Variants in SKOR2 observed in about 807,000 individuals in gnomAD.
SKOR2 encodes the protein SKI family transcriptional corepressor 2, also known as LBX1 corepressor 1-like protein.
In SKOR2, 47 loss-of-function variants were observed where a neutral mutation model predicts 69.1. That is an observed-to-expected ratio of 0.68 (90% CI 0.54 to 0.87). SKOR2 has a LOEUF of 0.87. SKOR2 is among the 40% of genes least tolerant of loss of function. SKOR2 has a pLI of 0.00. For synonymous variants in SKOR2, 717 were observed against 672.6 expected, an observed-to-expected ratio of 1.07 and a Z score of -1.02; for missense variants, 1,404 against 1,472.2, an observed-to-expected ratio of 0.95 and a Z score of 0.76.
intron 4 of SKOR2, among the ~76,000 whole-genome samples, chr18:47,233,564 G>A (rs917776937): frequency 1.3e-5 from 2 of 152,184 alleles, no homozygotes; most frequent in African/African-American, 4.8e-5. Flanking sequence ...AAGCATGCAT[G>A]TATCTCTGCA....
Position 47,245,567 on chromosome 18 carries a change from T to C in SKOR2, c.2614-6A>G. The C allele has an allele frequency of 6.6e-7, 1 of 1,515,564 alleles. No homozygotes were observed. Among genetic ancestry groups the C allele is most frequent in the Non-Finnish European group, 8.8e-7 (1 of 1,139,754 alleles). 93.9% of individuals were successfully genotyped at this position (1,515,564 alleles called of 1,614,324 possible). On this transcript the variant is annotated splice_region_variant and splice_polypyrimidine_tract_variant and intron_variant, in intron 2 of 8. Coordinates refer to ENST00000425639, the MANE Select transcript of SKOR2 (RefSeq NM_001278063.4). The stretch of plus-strand genomic sequence containing the variant: ...TTTTCCTTAGTTTTCTGACTCTGTG[T>C]GGAAAAGAATTAGACATACAAATCA...
In SKOR2 at chr18:47,247,856, C is replaced by A. The variant is rs1203784145; in HGVS notation, c.1328G>T (p.Gly443Val). 3 of 1,359,816 alleles carry A rather than the reference C, an allele frequency of 2.2e-6. No individual in the cohort carries two copies. The highest frequency in any genetic ancestry group is 2.8e-6 in the Non-Finnish European group (3 of 1,066,588). 84.2% of individuals were successfully genotyped at this position (1,359,816 alleles called of 1,614,324 possible). Residue 443 changes from glycine to valine, a missense_variant, in exon 2 of 9, where the codon GGC becomes GTC. Gly to Val is a moderately radical substitution (Grantham distance 109, BLOSUM62 -3). Around this residue, in one of 3 missense-constraint regions of SKOR2, gnomAD observed 1,266 missense variants for 1,309.9 expected, o/e 0.97. Transcript: ENST00000425639. The surrounding 1 kb of genome is among the most constrained non-coding windows in gnomAD (Gnocchi z 6.6). ...ALGGAGAGGA[G>V]AAPKAGLSGL... The stretch of plus-strand genomic sequence containing the variant: ...GGACAAGCCGGCCTTGGGCGCCGCG[C>A]CCGCGCCGCCTGCGCCCGCGCCCCC...
intron 6 of SKOR2, among the ~76,000 whole-genome samples, chr18:47,229,735 G>T (rs573978888): frequency 1.3e-5 from 2 of 152,092 alleles, no homozygotes; most frequent in African/African-American, 4.8e-5. Flanking sequence ...ATCAAAGTCC[G>T]GAAAGCTTGA....
chr18:47,236,408 A>C (rs1239148246), intron 4 of SKOR2, among the ~76,000 whole-genome samples: 1 of 152,206 alleles, frequency 6.6e-6, no homozygotes, highest in Non-Finnish European at 1.5e-5. Context: ...AACCAAAATC[A>C]GAATGCCATC....
At chr18:47,244,445 C>T (rs749809580) in intron 4 of SKOR2, among the ~76,000 whole-genome samples, 28 of 152,182 alleles carry the variant, frequency 1.8e-4, no homozygotes, top group Non-Finnish European at 2.9e-4. Context: ...ATTTAGCAAT[C>T]AGTAAAAGGT....
chr18:47,250,753 G>A (rs190968930), intron 1 of SKOR2, among the ~76,000 whole-genome samples: 1 of 152,310 alleles, frequency 6.6e-6, no homozygotes, highest in East Asian at 1.9e-4. Context: ...GGAGAGGAAA[G>A]CCTGCTTGTC....
At chr18:47,229,286 A>G (rs1481287211) in intron 6 of SKOR2, among the ~76,000 whole-genome samples, 1 of 152,232 alleles carries the variant, frequency 6.6e-6, no homozygotes, top group East Asian at 1.9e-4. Flanking sequence ...TTTCTGGATT[A>G]ATAACAAGAA....
In SKOR2 at chr18:47,246,819, G is replaced by A; in HGVS notation, c.2365C>T (p.Gln789Ter). ...CCCTTCTCCGACGGCCCTCGGCCCT[G>A]GAGGAACCGGCCGCCCCCGACTAAG... ...DPLVGGGRFL[Q>*]GRGPSEKGSS... is the part of the protein sequence containing the mutation. The change falls in exon 2 of 9, where the codon CAG (glutamine) becomes TAG (stop). Residue 789 changes from glutamine (Q) to a stop codon, truncating the protein, a stop_gained. Transcript: ENST00000425639. LOFTEE classifies it high-confidence loss of function. 6.9e-7 allele frequency: 1 copy of A among 1,455,524 alleles called. No individual in the cohort carries two copies. The highest frequency in any genetic ancestry group is 2.8e-5 in the East Asian group (1 of 35,188). The allele number at this position is 1,455,524 out of a possible 1,614,324, so 90.2% of individuals were successfully genotyped here.
chr18:47,251,139 AG>A (rs1400247422), intron 1 of SKOR2, among the ~76,000 whole-genome samples: 2 of 151,276 alleles, frequency 1.3e-5, no homozygotes, highest in Non-Finnish European at 2.9e-5. Flanking sequence ...TGGGGAGGGG[AG>A]AAGAGACAAT....
intron 7 of SKOR2, among the ~76,000 whole-genome samples, chr18:47,216,650 C>A (rs899050100): frequency 6.6e-6 from 1 of 152,122 alleles, no homozygotes; most frequent in African/African-American, 2.4e-5. Flanking sequence ...ATACCCAAGA[C>A]GCTTTCAATA....
At chr18:47,239,512 A>T (rs1407119481) in intron 4 of SKOR2, among the ~76,000 whole-genome samples, 1 of 152,236 alleles carries the variant, frequency 6.6e-6, no homozygotes, top group East Asian at 1.9e-4. Flanking sequence ...ATCAAAATTT[A>T]TTGCAAGGTG....
chr18:47,227,383 G>T (rs1239697723), intron 6 of SKOR2, among the ~76,000 whole-genome samples: 1 of 139,688 alleles, frequency 7.2e-6, no homozygotes, highest in Non-Finnish European at 1.5e-5. Flanking sequence ...TGTTGTCCAG[G>T]CTGGAGGGCA....
chr18:47,245,793 T>G (rs1010124302), intron 2 of SKOR2, among the ~76,000 whole-genome samples: 30 of 152,144 alleles, frequency 2.0e-4, no homozygotes, highest in Admixed American at 1.5e-3. Context: ...ATATATGCTA[T>G]GTTATTTACA....
chr18:47,248,371 G>C lies in SKOR2; in HGVS notation c.813C>G (p.Ala271=), dbSNP rs2064293718. 1 of 1,288,280 alleles carries C rather than the reference G, an allele frequency of 7.8e-7. No individual in the cohort carries two copies. Among genetic ancestry groups the C allele is most frequent in the Non-Finnish European group, 9.7e-7 (1 of 1,027,036 alleles). 79.8% of individuals were successfully genotyped at this position (1,288,280 alleles called of 1,614,324 possible). A position where few individuals can be genotyped will look rare whatever the true frequency, so the allele number is the denominator to read the frequency against. The change falls in exon 2 of 9, where the codon GCC becomes GCG. Residue 271 remains alanine (A), a synonymous_variant. Transcript: ENST00000425639. The surrounding 1 kb of genome is among the most constrained non-coding windows in gnomAD (Gnocchi z 6.4). ...GGGGGCCCAGCAGACCCCCGCCTCC[G>C]GCCACCGCGGCCGCGGCGGCCACGG... is the stretch of plus-strand genomic sequence containing the variant. The part of the protein sequence containing the change: ...AAAVAAAAAV[A]GGGGLLGPHL...
Position 47,251,483 on chromosome 18 carries a change from C to A in SKOR2, c.-157G>T, listed in dbSNP as rs1478099231. The A allele has an allele frequency of 6.6e-6, 1 of 152,286 alleles. No individual in the cohort carries two copies. The highest frequency in any genetic ancestry group is 1.5e-5 in the Non-Finnish European group (1 of 68,098). 9.4% of individuals were successfully genotyped at this position (152,286 alleles called of 1,614,324 possible). A position where few individuals can be genotyped will look rare whatever the true frequency, so the allele number is the denominator to read the frequency against. ...TCGTATCCAGCGGGCGGGACTCTGG[C>A]GGGCTCCGCGCGAAGATCCGGGCTC... is the stretch of plus-strand genomic sequence containing the variant. On this transcript the variant is annotated 5_prime_UTR_variant, in exon 1 of 9. Coordinates refer to ENST00000425639, the MANE Select transcript of SKOR2 (RefSeq NM_001278063.4).
At position 47,206,362 on chromosome 18, in the gene SKOR2, G is replaced by A. The variant is rs2064113008; in HGVS notation, c.*534C>T. ...AAGTACAGAGAGGAAGGGGCCACAT[G>A]TAAGTCTGTCCAGTTTGCTATGAAA... On this transcript the variant is annotated 3_prime_UTR_variant, in exon 9 of 9. Transcript: ENST00000425639. 1 of 152,170 alleles carries A rather than the reference G, an allele frequency of 6.6e-6. No individual in the cohort carries two copies. Among genetic ancestry groups the A allele is most frequent in the Non-Finnish European group, 1.5e-5 (1 of 68,046 alleles). 9.4% of individuals were successfully genotyped at this position (152,170 alleles called of 1,614,324 possible).
chr18:47,245,199 T>C (rs1807068733), intron 3 of SKOR2, among the ~76,000 whole-genome samples: 1 of 152,212 alleles, frequency 6.6e-6, no homozygotes, highest in Admixed American at 6.5e-5. Context: ...TTTTAGCATA[T>C]ATTTATGTAA....
At chr18:47,220,936 C>T (rs967942309) in intron 6 of SKOR2, among the ~76,000 whole-genome samples, 1 of 151,758 alleles carries the variant, frequency 6.6e-6, no homozygotes, top group African/African-American at 2.4e-5. Context: ...CTATGTGTTC[C>T]ACCATCATAT....
At chr18:47,244,123 C>T (rs1260473116) in intron 4 of SKOR2, among the ~76,000 whole-genome samples, 3 of 152,070 alleles carry the variant, frequency 2.0e-5, no homozygotes, top group Non-Finnish European at 2.9e-5. Flanking sequence ...TGTACTTTGC[C>T]GTTATATAAG....
Sources: gnomAD v4.1 joint callset for allele counts (sites outside exome capture counted in the v4.1 genomes callset) on GRCh38, gnomAD v4.1.1 for gene constraint, gnomAD v4.1.1 regional missense constraint, Gnocchi (gnomAD v3.1) non-coding constraint, MANE v1.5 for transcripts, NCBI Gene and HGNC (gene_info 2026-07-23, HGNC 2026-07-21) for gene names.